Variants in BMF observed in about 807,000 individuals in gnomAD.
BMF encodes the protein Bcl2 modifying factor.
A neutral mutation model predicts 22.0 loss-of-function variants in BMF; 10 were observed. The ratio of observed to expected loss-of-function variants is 0.45; its 90% CI spans 0.28 to 0.77. BMF has a LOEUF of 0.77. BMF is among the 30% of genes least tolerant of loss of function. The probability of loss-of-function intolerance (pLI) is 0.13; values close to 1 mark genes in which losing one functional copy is unlikely to be tolerated. For synonymous variants in BMF, 87 were observed against 88.1 expected (o/e 0.99, Z 0.07); for missense variants, 206 against 226.8 (o/e 0.91, Z 0.59).
intron 4 of BMF, among the ~76,000 whole-genome samples, chr15:40,094,331 T>A (rs1221399319): frequency 6.6e-6 from 1 of 152,136 alleles, no homozygotes; most frequent in East Asian, 1.9e-4. Flanking sequence ...ACAGGAAGGC[T>A]GAGGTCTTGC....
At chr15:40,107,020 C>T (rs917814593) in intron 2 of BMF, among the ~76,000 whole-genome samples, 2 of 152,206 alleles carry the variant, frequency 1.3e-5, no homozygotes, top group African/African-American at 2.4e-5. Flanking sequence ...TCACTCACTG[C>T]CTATACTGCT....
Position 40,104,290 on chromosome 15 carries a change from G to C in BMF, c.343C>G (p.Pro115Ala), listed in dbSNP as rs769591201. Reference protein sequence around the residue: ...PLPASFPAVLPIGEQPPEGQW... With the variant: ...PLPASFPAVLAIGEQPPEGQW... ...CCTTCGGGGGGCTGCTCCCCAATGG[G>C]CAAGACTGCTGGGAAACTGGCAGGG... Residue 115 changes from proline (P) to alanine (A), a missense_variant, in exon 4 of 5, where the codon CCC becomes GCC. Coordinates refer to ENST00000354670, the MANE Select transcript of BMF (RefSeq NM_001003940.2). The C allele has an allele frequency of 3.1e-6, 5 of 1,614,236 alleles. No homozygotes were observed. The South Asian group carries it at 5.5e-5, about 18-fold the overall frequency.
chr15:40,088,973 G>T lies in BMF; in HGVS notation c.*2814C>A, dbSNP rs1340452670. On this transcript the variant is annotated 3_prime_UTR_variant, in exon 5 of 5. Coordinates refer to ENST00000354670, the MANE Select transcript of BMF (RefSeq NM_001003940.2). ...TTTGGGGTTGTGAATTAGAAGGGCT[G>T]TTTTGACCCTGAATATCAGGCTTCC... 6.5e-6 allele frequency: 1 copy of T among 152,714 alleles called. No individual in the cohort carries two copies. The highest frequency in any genetic ancestry group is 1.9e-4 in the East Asian group (1 of 5,204). The allele number at this position is 152,714 out of a possible 1,614,324, so 9.5% of individuals were successfully genotyped here. A position where few individuals can be genotyped will look rare whatever the true frequency, so the allele number is the denominator to read the frequency against.
At chr15:40,103,989 A>T (rs1018922119) in intron 4 of BMF, among the ~76,000 whole-genome samples, 191 bp downstream of exon 4, 1 of 152,156 alleles carries the variant, frequency 6.6e-6, no homozygotes, top group African/African-American at 2.4e-5. Context: ...ACCAATGTGG[A>T]GCTCAGAGAT....
chr15:40,090,405 G>A lies in BMF; in HGVS notation c.*1382C>T, dbSNP rs2036209587. ...GCCTTACTTCACTGTTAGCACCAAT[G>A]TTGTCTTTTCTCACATATGCAAAAG... On this transcript the variant is annotated 3_prime_UTR_variant, in exon 5 of 5. Transcript: ENST00000354670. The A allele has an allele frequency of 6.5e-6, 1 of 152,704 alleles. No individual in the cohort carries two copies. Among genetic ancestry groups the A allele is most frequent in the African/African-American group, 2.4e-5 (1 of 41,472 alleles). 9.5% of individuals were successfully genotyped at this position (152,704 alleles called of 1,614,324 possible).
chr15:40,092,925 C>G (rs1053428266), intron 4 of BMF, among the ~76,000 whole-genome samples: 2 of 152,200 alleles, frequency 1.3e-5, no homozygotes, highest in African/African-American at 2.4e-5. Flanking sequence ...CAGAAAGGAG[C>G]CAGCACGGGC....
intron 4 of BMF, among the ~76,000 whole-genome samples, chr15:40,098,264 A>G (rs1175019661): frequency 1.3e-5 from 2 of 152,308 alleles, no homozygotes; most frequent in East Asian, 3.9e-4. Context: ...GTTGAGGGGT[A>G]CGGTTCGGGG....
At chr15:40,092,453 TCACA>T (rs34626523) in intron 4 of BMF, among the ~76,000 whole-genome samples, 59 of 148,594 alleles carry the variant, frequency 4.0e-4, no homozygotes, top group African/African-American at 1.1e-3. Context: ...ACACACAGAC[TCACA>T]CACACACACA....
chr15:40,101,916 A>T (rs2036483875), intron 4 of BMF, among the ~76,000 whole-genome samples: 1 of 152,148 alleles, frequency 6.6e-6, no homozygotes, highest in Non-Finnish European at 1.5e-5. Context: ...CTACCCTTGT[A>T]AGTAAGAAGT....
At position 40,092,197 on chromosome 15, in the gene BMF, C is replaced by T. The variant is rs534642621; in HGVS notation, c.454-309G>A. On this transcript the variant is annotated intron_variant, in intron 4 of 4. Transcript: ENST00000354670. Reference sequence around the variant, plus strand: ...GGATTTTCCAGAGTTTAGCCAAGTGCTGCTTTTAATCAGATTGGCTCCCGA... The same window carrying T: ...GGATTTTCCAGAGTTTAGCCAAGTGTTGCTTTTAATCAGATTGGCTCCCGA... Among the ~76,000 whole-genome samples the T allele has an allele frequency of 2.6e-5, 4 of 152,312 alleles. No individual in the cohort carries two copies. The East Asian group carries it at 5.8e-4, about 22-fold the overall frequency.
intron 4 of BMF, among the ~76,000 whole-genome samples, chr15:40,095,784 C>T (rs2036346532): frequency 2.0e-5 from 3 of 152,194 alleles, no homozygotes; most frequent in African/African-American, 4.8e-5. Flanking sequence ...TGGTAGATCA[C>T]GGTGTTCTCT....
chr15:40,103,500 T>C (rs988477360), intron 4 of BMF, among the ~76,000 whole-genome samples: 1 of 152,240 alleles, frequency 6.6e-6, no homozygotes, highest in Non-Finnish European at 1.5e-5. Context: ...GCCGCCTTTG[T>C]TGATGGACTC....
At position 40,106,777 on chromosome 15, in the gene BMF, C is replaced by T. The variant is rs2036597521; in HGVS notation, c.-5-686G>A. On this transcript the variant is annotated intron_variant, in intron 2 of 4. Coordinates refer to ENST00000354670, the MANE Select transcript of BMF (RefSeq NM_001003940.2). The surrounding 1 kb of genome is among the most constrained non-coding windows in gnomAD (Gnocchi z 4.1). Reference sequence around the variant, plus strand: ...TGTCCTGGGAGAGGGGATAAAGACCCAAGCTAGTCATTGCAGCTGCCGTCT... The same window carrying T: ...TGTCCTGGGAGAGGGGATAAAGACCTAAGCTAGTCATTGCAGCTGCCGTCT... 6.6e-6 allele frequency: 1 copy of T among 152,288 alleles called. No individual in the cohort carries two copies. The highest frequency in any genetic ancestry group is 2.4e-5 in the African/African-American group (1 of 41,408). The allele number at this position is 152,288 out of a possible 1,614,324, so 9.4% of individuals were successfully genotyped here. A position where few individuals can be genotyped will look rare whatever the true frequency, so the allele number is the denominator to read the frequency against.
intron 4 of BMF, among the ~76,000 whole-genome samples, chr15:40,096,872 G>A (rs916764991): frequency 4.6e-5 from 7 of 152,116 alleles, no homozygotes; most frequent in African/African-American, 1.7e-4. Context: ...CAGAAATAAA[G>A]CTAAAACTGG....
chr15:40,099,963 C>G (rs1361411658), intron 4 of BMF, among the ~76,000 whole-genome samples: 1 of 152,072 alleles, frequency 6.6e-6, no homozygotes, highest in Non-Finnish European at 1.5e-5. Context: ...ATTTCATTTG[C>G]CAAAAAGTCT....
chr15:40,098,596 A>C (rs1331518299), intron 4 of BMF, among the ~76,000 whole-genome samples: 1 of 152,182 alleles, frequency 6.6e-6, no homozygotes, highest in Non-Finnish European at 1.5e-5. Context: ...CAAACCAGGC[A>C]AGGAGGAAGG....
At chr15:40,103,492 C>T (rs563867452) in intron 4 of BMF, among the ~76,000 whole-genome samples, 24 of 152,352 alleles carry the variant, frequency 1.6e-4, no homozygotes, top group South Asian at 4.1e-4. Flanking sequence ...TGCCAGCCGC[C>T]GCCTTTGTTG....
intron 1 of BMF, 24 bp from the exon 2 acceptor site, chr15:40,108,410 A>C (rs1481033028): frequency 1.3e-5 from 2 of 152,522 alleles, no homozygotes; most frequent in African/African-American, 4.8e-5. Flanking sequence ...GAGCCTTCAG[A>C]CTCCGCAGAG....
At chr15:40,100,775 G>A (rs938561829) in intron 4 of BMF, among the ~76,000 whole-genome samples, 9 of 152,140 alleles carry the variant, frequency 5.9e-5, no homozygotes, top group Non-Finnish European at 1.2e-4. Flanking sequence ...GAGCCAGGTC[G>A]ATACACTCAA....
Sources: allele counts gnomAD v4.1 joint callset (sites outside exome capture counted in the v4.1 genomes callset), GRCh38; gene constraint gnomAD v4.1.1; non-coding constraint Gnocchi (gnomAD v3.1); transcripts MANE v1.5; gene names NCBI Gene and HGNC (gene_info 2026-07-23, HGNC 2026-07-21).